The following SEC24D variants were observed in gnomAD, a reference collection of about 807,000 sequenced individuals.
SEC24D encodes the protein SEC24 homolog D, COPII component.
A neutral mutation model predicts 116.9 loss-of-function variants in SEC24D; 69 were observed. That is an observed-to-expected ratio of 0.59 (90% CI 0.49 to 0.72). The LOEUF is 0.72. Among genes scored for constraint, SEC24D ranks in the 30% least tolerant of loss-of-function variants. The pLI is 0.00. For missense variants in SEC24D, 1,131 were observed against 1,264.1 expected (o/e 0.89, Z 1.60); for synonymous variants, 405 against 442.8 (o/e 0.91, Z 1.07).
intron 7 of SEC24D, among the ~76,000 whole-genome samples, chr4:118,799,946 T>TA (rs1560719975): frequency 6.6e-6 from 1 of 152,070 alleles, no homozygotes; most frequent in East Asian, 1.9e-4. Flanking sequence ...AGGTTTTTTT[T>TA]AAAAAAAGAT....
intron 21 of SEC24D, chr4:118,731,055 A>G (rs939053104): frequency 4.6e-6 from 2 of 433,108 alleles, no homozygotes; most frequent in Admixed American, 3.6e-5. Flanking sequence ...TTTAGAGTAC[A>G]GAGACTGGCA....
intron 3 of SEC24D, among the ~76,000 whole-genome samples, chr4:118,822,613 C>G (rs1341923944): frequency 2.0e-5 from 3 of 152,090 alleles, no homozygotes; most frequent in African/African-American, 7.2e-5. Flanking sequence ...CCTCTGTCAC[C>G]CAGCCTGGAA....
chr4:118,766,456 G>A (rs1727648616), intron 9 of SEC24D: 1 of 152,176 alleles, frequency 6.6e-6, no homozygotes, highest in Non-Finnish European at 1.5e-5. Context: ...CTTCCTTGTA[G>A]GGACACATAT....
chr4:118,738,324 A>T lies in SEC24D; in HGVS notation c.2433T>A (p.Asn811Lys), dbSNP rs779246645. The T allele has an allele frequency of 3.1e-6, 5 of 1,613,708 alleles. No homozygotes were observed. The South Asian group carries it at 4.4e-5, about 14-fold the overall frequency. Residue 811 changes from asparagine (N) to lysine (K), a missense_variant, in exon 19 of 23, where the codon AAT (asparagine) becomes AAA (lysine). Physicochemically the swap from Asn to Lys is moderately conservative, Grantham distance 94 (BLOSUM62 0). Transcript: ENST00000280551. ...AACATGCCAACATATGGGCAGTCTG[A>T]TTAACTAGAATTTCCCGGATGACCT... ...PLKVIREILVNQTAHMLACYR... is the reference protein window; with the variant it reads ...PLKVIREILVKQTAHMLACYR...
intron 15 of SEC24D, 103 bp from the exon 16 acceptor site, chr4:118,741,140 C>T (rs1578386906): frequency 8.8e-6 from 5 of 566,354 alleles, no homozygotes; most frequent in Non-Finnish European, 1.5e-5. Context: ...TTTAAAATCC[C>T]GATTTAGCAT....
intron 3 of SEC24D, among the ~76,000 whole-genome samples, chr4:118,818,400 TATTTGTGAC>T (rs1730243571): frequency 6.6e-6 from 1 of 152,208 alleles, no homozygotes; most frequent in South Asian, 2.1e-4. Context: ...TCCCACAATT[TATTTGTGAC>T]AACACTAGGA....
intron 8 of SEC24D, among the ~76,000 whole-genome samples, chr4:118,779,076 T>C (rs998667212): frequency 1.3e-5 from 2 of 152,208 alleles, no homozygotes; most frequent in South Asian, 4.1e-4. Context: ...CCTCTTTTCC[T>C]AATTAAATAC....
chr4:118,739,347 T>C, intron 17 of SEC24D, 60 bp from the exon 18 acceptor site: 1 of 1,508,064 alleles, frequency 6.6e-7, no homozygotes, highest in Non-Finnish European at 9.1e-7. Flanking sequence ...CCAAGCTAAC[T>C]TGATCTTACT....
intron 8 of SEC24D, among the ~76,000 whole-genome samples, chr4:118,779,213 C>A (rs906052751): frequency 6.6e-6 from 1 of 152,272 alleles, no homozygotes; most frequent in Admixed American, 6.5e-5. Context: ...AGTTTTTGCC[C>A]ATTCAGTATG....
chr4:118,740,967 G>A lies in SEC24D; in HGVS notation c.2066C>T (p.Ala689Val). Reference sequence around the variant, plus strand: ...TGTGCTGGTACGAACCCTCATAATAGCATCAAAGCCTATTTTCTTTTCAAT... The same window carrying A: ...TGTGCTGGTACGAACCCTCATAATAACATCAAAGCCTATTTTCTTTTCAAT... ...NDIEKKIGFD[A>V]IMRVRTSTGF... Residue 689 changes from alanine to valine, a missense_variant, in exon 16 of 23, where the codon GCT (alanine) becomes GTT (valine). Transcript: ENST00000280551. 6.2e-7 allele frequency: 1 copy of A among 1,600,512 alleles called. No individual in the cohort carries two copies. Among genetic ancestry groups the A allele is most frequent in the Non-Finnish European group, 8.5e-7 (1 of 1,171,892 alleles).
At chr4:118,731,212 G>T (rs891786273) in intron 21 of SEC24D, 104 bp downstream of exon 21, 5 of 872,744 alleles carry the variant, frequency 5.7e-6, no homozygotes, top group Non-Finnish European at 9.1e-6. Flanking sequence ...AGAAATATAT[G>T]CCTTATTATT....
intron 7 of SEC24D, among the ~76,000 whole-genome samples, chr4:118,798,713 G>T (rs1460770115): frequency 6.6e-6 from 1 of 152,182 alleles, no homozygotes; most frequent in African/African-American, 2.4e-5. Flanking sequence ...TAGTGAAGGG[G>T]TACCAAGAAG....
At position 118,791,328 on chromosome 4, in the gene SEC24D, C is replaced by T. The variant is rs925771285; in HGVS notation, c.1041+6355G>A. 1.6e-4 allele frequency among the ~76,000 whole-genome samples: 25 copies of T among 151,880 alleles called. 1 individual carries two copies. Among genetic ancestry groups the T allele is most frequent in the Admixed American group, 1.6e-3 (24 of 15,250 alleles). ...AAACGAATGAATGAATGAGTAACAG[C>T]GCAGTGCTTTAGAGCACTTTAGACA... On this transcript the variant is annotated intron_variant, in intron 8 of 22. Coordinates refer to ENST00000280551, the MANE Select transcript of SEC24D (RefSeq NM_014822.4).
chr4:118,759,105 T>C (rs1727246914), intron 10 of SEC24D, among the ~76,000 whole-genome samples: 1 of 152,226 alleles, frequency 6.6e-6, no homozygotes, highest in Non-Finnish European at 1.5e-5. Flanking sequence ...TCATGGAATA[T>C]TTTCCACATC....
At chr4:118,818,173 C>A (rs1425407811) in intron 3 of SEC24D, among the ~76,000 whole-genome samples, 1 of 152,210 alleles carries the variant, frequency 6.6e-6, no homozygotes, top group Non-Finnish European at 1.5e-5. Flanking sequence ...CATGGTTAAT[C>A]TGCCAAATGC....
chr4:118,724,842 C>A (rs969138887), intron 22 of SEC24D, among the ~76,000 whole-genome samples: 1 of 152,194 alleles, frequency 6.6e-6, no homozygotes, highest in African/African-American at 2.4e-5. Context: ...CCACCTGCCT[C>A]CTGTGTAATT....
In SEC24D at chr4:118,731,443, G is replaced by T; in HGVS notation, c.2741C>A (p.Ser914Ter). The T allele has an allele frequency of 6.2e-7, 1 of 1,614,084 alleles. No homozygotes were observed. Among genetic ancestry groups the T allele is most frequent in the Non-Finnish European group, 8.5e-7 (1 of 1,179,984 alleles). The change falls in exon 21 of 23, where the codon TCA becomes TAA. Residue 914 changes from serine (S) to a stop codon, truncating the protein, a stop_gained. Transcript: ENST00000280551. LOFTEE classifies it high-confidence loss of function. The part of the protein sequence containing the change: ...AAVRCSESRL[S>*]EEGIFLLANG... The stretch of plus-strand genomic sequence containing the variant: ...AGCCAGTAAGAATATTCCTTCTTCT[G>T]AAAGACGGGACTCAGAGCAACGAAC...
chr4:118,781,063 G>T (rs1439334686), intron 8 of SEC24D, among the ~76,000 whole-genome samples: 2 of 152,008 alleles, frequency 1.3e-5, no homozygotes, highest in East Asian at 1.9e-4. Context: ...TTGCCAGTCT[G>T]TGTCTTTTAA....
At chr4:118,771,455 G>A (rs1197724088) in intron 8 of SEC24D, among the ~76,000 whole-genome samples, 1 of 152,142 alleles carries the variant, frequency 6.6e-6, no homozygotes. Context: ...TGATAGGGAG[G>A]CTGAGGAAAA....
Sources: allele counts gnomAD v4.1 joint callset (sites outside exome capture counted in the v4.1 genomes callset), GRCh38; gene constraint gnomAD v4.1.1; transcripts MANE v1.5; gene names NCBI Gene and HGNC (gene_info 2026-07-23, HGNC 2026-07-21).